The following CIROZ variants were observed in gnomAD, a reference collection of about 807,000 sequenced individuals.
CIROZ encodes ciliated left-right organizer protein containing ZP-N domains.
chr1:10,954,586 T>C, the CIROZ span, among the ~76,000 whole-genome samples: 1 of 152,126 alleles, frequency 6.6e-6, no homozygotes, highest in Non-Finnish European at 1.5e-5. Flanking sequence ...GGAGCATACA[T>C]GGTGAAGTCC....
chr1:10,980,421 A>G, the CIROZ span, among the ~76,000 whole-genome samples: 2 of 152,250 alleles, frequency 1.3e-5, no homozygotes, highest in African/African-American at 2.4e-5. Context: ...CTGCCTGGAC[A>G]CTGAGCCCAA....
chr1:10,951,629 A>T, the CIROZ span, among the ~76,000 whole-genome samples: 1 of 149,646 alleles, frequency 6.7e-6, no homozygotes, highest in Admixed American at 6.7e-5. Context: ...GGAGGCTGAG[A>T]CAGGAGGATC....
chr1:10,972,828 T>C, the CIROZ span, among the ~76,000 whole-genome samples: 10 of 152,084 alleles, frequency 6.6e-5, no homozygotes, highest in African/African-American at 2.4e-4. Flanking sequence ...GGCTCATGCC[T>C]GTAATCCCAG....
the CIROZ span, among the ~76,000 whole-genome samples, chr1:10,979,437 G>A: frequency 6.6e-6 from 1 of 152,164 alleles, no homozygotes; most frequent in African/African-American, 2.4e-5. Flanking sequence ...AAGCTGGAAA[G>A]AAAGAATGAC....
chr1:10,958,916 T>C, the CIROZ span, among the ~76,000 whole-genome samples: 4 of 152,254 alleles, frequency 2.6e-5, no homozygotes, highest in African/African-American at 4.8e-5. Context: ...ATCATTTATG[T>C]TCTGGGACTC....
chr1:10,955,266 G>C, the CIROZ span: 1 of 1,358,956 alleles, frequency 7.4e-7, no homozygotes, highest in East Asian at 2.3e-5. Flanking sequence ...GTGGGCCTTT[G>C]CCAGGGGCCA....
At chr1:10,957,230 A>G in the CIROZ span, 4 of 743,250 alleles carry the variant, frequency 5.4e-6, no homozygotes, top group Admixed American at 3.2e-5. Context: ...CCCAAGTGTT[A>G]CAAAGCCCAG....
At chr1:10,975,058 G>T in the CIROZ span, among the ~76,000 whole-genome samples, 1 of 152,072 alleles carries the variant, frequency 6.6e-6, no homozygotes, top group Non-Finnish European at 1.5e-5. Context: ...GATCACTGGA[G>T]GTCAAGAGTT....
chr1:10,981,450 C>T, the CIROZ span, among the ~76,000 whole-genome samples: 1 of 146,910 alleles, frequency 6.8e-6, no homozygotes, highest in Non-Finnish European at 1.5e-5. Context: ...GACTCTATCT[C>T]AGGAAGAAGG....
chr1:10,961,007 C>CT, the CIROZ span, among the ~76,000 whole-genome samples: 2 of 152,094 alleles, frequency 1.3e-5, no homozygotes, highest in East Asian at 3.9e-4. Flanking sequence ...GAGCCCCCCC[C>CT]ACCCACCTGC....
At chr1:10,968,679 C>A in the CIROZ span, among the ~76,000 whole-genome samples, 1 of 152,226 alleles carries the variant, frequency 6.6e-6, no homozygotes, top group African/African-American at 2.4e-5. Flanking sequence ...AGGCAGCAGG[C>A]ACCGTCATTT....
At chr1:10,962,673 C>T in the CIROZ span, among the ~76,000 whole-genome samples, 8 of 152,222 alleles carry the variant, frequency 5.3e-5, no homozygotes, top group African/African-American at 1.9e-4. Context: ...TTGCTACCAG[C>T]TGGCAAGTCT....
chr1:10,948,331 C>G, the CIROZ span: 1 of 1,613,682 alleles, frequency 6.2e-7, no homozygotes, highest in Non-Finnish European at 8.5e-7. Context: ...ACCAGCTCCT[C>G]TGCAGCCAGT....
chr1:10,969,823 A>G, the CIROZ span: 2 of 1,243,174 alleles, frequency 1.6e-6, no homozygotes, highest in Admixed American at 3.3e-5. Context: ...AGAGCCTGGA[A>G]GGGCTGTGGG....
chr1:10,972,881 G>A, the CIROZ span, among the ~76,000 whole-genome samples: 2 of 150,804 alleles, frequency 1.3e-5, no homozygotes, highest in Non-Finnish European at 3.0e-5. Flanking sequence ...GAGTCTAGGA[G>A]TTCAAGACCA....
chr1:10,953,729 G>T, the CIROZ span, among the ~76,000 whole-genome samples: 1 of 152,168 alleles, frequency 6.6e-6, no homozygotes, highest in Non-Finnish European at 1.5e-5. Context: ...ACTCACTGAG[G>T]TTGTACGGTT....
chr1:10,982,002 G>A, the CIROZ span: 20 of 1,537,052 alleles, frequency 1.3e-5, no homozygotes, highest in South Asian at 2.4e-4. Flanking sequence ...CCTGAATAAG[G>A]GACACTTACC....
chr1:10,964,106 C>T, the CIROZ span: 1 of 1,611,286 alleles, frequency 6.2e-7, no homozygotes, highest in East Asian at 2.2e-5. Flanking sequence ...CTGCCACCTC[C>T]CAGACCCCCC....
chr1:10,960,570 T>C, the CIROZ span, among the ~76,000 whole-genome samples: 3 of 152,156 alleles, frequency 2.0e-5, no homozygotes, highest in Non-Finnish European at 4.4e-5. This position sits in a 1 kb window ranked among gnomAD's most constrained non-coding sequence, Gnocchi z 4.6. Flanking sequence ...CTGCATTGAG[T>C]TTACGGGTGC....
Sources: gnomAD v4.1 joint callset for allele counts (sites outside exome capture counted in the v4.1 genomes callset) on GRCh38, gnomAD v4.1.1 for gene constraint, Gnocchi (gnomAD v3.1) non-coding constraint, MANE v1.5 for transcripts, NCBI Gene and HGNC (gene_info 2026-07-23, HGNC 2026-07-21) for gene names.